The following EML6 variants were observed in gnomAD, a reference collection of about 807,000 sequenced individuals.
EML6 encodes echinoderm microtubule-associated protein-like 6.
EML6 carries 154 observed loss-of-function variants against 240.1 expected under a neutral mutation model. The observed-to-expected ratio is 0.64, with a 90% CI of 0.56 to 0.73. The LOEUF (loss-of-function observed/expected upper bound fraction) is 0.73. EML6 is among the 30% of genes least tolerant of loss of function. The pLI, the probability that EML6 is intolerant of heterozygous loss-of-function variation, is 0.00. For synonymous variants in EML6, 1,148 were observed against 899.0 expected (o/e 1.28, Z -4.95); for missense variants, 2,964 against 2,474.6 (o/e 1.20, Z -4.20).
At chr2:54,867,878 T>G (rs1671052226) in intron 14 of EML6, 1 of 152,206 alleles carries the variant, frequency 6.6e-6, no homozygotes, top group Non-Finnish European at 1.5e-5. Flanking sequence ...ATAATCTTTT[T>G]ATGCTTGAGA....
intron 2 of EML6, among the ~76,000 whole-genome samples, chr2:54,790,643 G>T (rs1278715832): frequency 6.6e-6 from 1 of 151,602 alleles, no homozygotes. Flanking sequence ...TTATCACCAG[G>T]CTTTCCCACA....
intron 7 of EML6, among the ~76,000 whole-genome samples, chr2:54,838,214 C>G (rs1669254909): frequency 6.6e-6 from 1 of 152,164 alleles, no homozygotes. Context: ...CGGATGTGAC[C>G]ACACATACAG....
chr2:54,851,956 C>T (rs1204945572), intron 10 of EML6, among the ~76,000 whole-genome samples: 1 of 152,058 alleles, frequency 6.6e-6, no homozygotes, highest in Non-Finnish European at 1.5e-5. Context: ...AAAACTGGTT[C>T]CTGCCAGAAT....
intron 2 of EML6, among the ~76,000 whole-genome samples, chr2:54,747,685 G>C (rs13390196): frequency 0.31 from 46,591 of 151,952 alleles, 9,353 homozygotes; most frequent in African/African-American, 0.58. Context: ...AAACTTATTT[G>C]AGGCTCTTTG....
chr2:54,739,666 T>C (rs890051942), intron 2 of EML6, among the ~76,000 whole-genome samples: 35 of 152,174 alleles, frequency 2.3e-4, no homozygotes, highest in Admixed American at 2.2e-3. Flanking sequence ...CAGCCAGATA[T>C]GGTTAGTTAC....
chr2:54,812,573 T>C (rs1667902877), intron 2 of EML6, among the ~76,000 whole-genome samples: 1 of 152,110 alleles, frequency 6.6e-6, no homozygotes, highest in South Asian at 2.1e-4. Flanking sequence ...GGCTACTGAC[T>C]CCTTAAAATA....
In EML6 at chr2:54,950,789, G is replaced by A; in HGVS notation, c.4213+10G>A. 3.2e-6 allele frequency: 5 copies of A among 1,543,612 alleles called. No homozygotes were observed. Among genetic ancestry groups the A allele is most frequent in the Non-Finnish European group, 4.4e-6 (5 of 1,144,134 alleles). On this transcript the variant is annotated intron_variant, in intron 30 of 41. Transcript: ENST00000356458. The stretch of plus-strand genomic sequence containing the variant: ...CAGAACCTCTCCACAGGTAACCGGG[G>A]GTTAAAAAATACAGGTTTTTCTTTT...
chr2:54,745,871 A>G (rs66624040), intron 2 of EML6, among the ~76,000 whole-genome samples: 2,511 of 152,336 alleles, frequency 0.016, 38 homozygotes, highest in Non-Finnish European at 0.028. Flanking sequence ...GGGCCTGAGC[A>G]GGAGCAGAGT....
intron 17 of EML6, among the ~76,000 whole-genome samples, chr2:54,883,043 T>C: frequency 6.9e-6 from 1 of 145,022 alleles, no homozygotes; most frequent in East Asian, 2.1e-4. Context: ...CTTTTCTTTT[T>C]CACTTTGTTT....
At chr2:54,732,394 C>G (rs939447740) in intron 2 of EML6, among the ~76,000 whole-genome samples, 1 of 152,002 alleles carries the variant, frequency 6.6e-6, no homozygotes, top group Admixed American at 6.6e-5. Context: ...AGATTTACTC[C>G]TATGTTTTCT....
intron 17 of EML6, among the ~76,000 whole-genome samples, chr2:54,887,389 C>T (rs1045140219): frequency 6.6e-5 from 10 of 152,216 alleles, no homozygotes; most frequent in African/African-American, 2.4e-4. Flanking sequence ...ATATAATTCT[C>T]ACAGAAAGTG....
chr2:54,884,043 A>G (rs1027069451), intron 17 of EML6, among the ~76,000 whole-genome samples: 9 of 152,064 alleles, frequency 5.9e-5, no homozygotes, highest in Non-Finnish European at 4.4e-5. Context: ...CAAGCAAACA[A>G]TTCTGTTTGC....
At chr2:54,817,100 A>G (rs1668114939) in intron 4 of EML6, among the ~76,000 whole-genome samples, 1 of 152,200 alleles carries the variant, frequency 6.6e-6, no homozygotes, top group Admixed American at 6.5e-5. Context: ...AGTGCTTTTC[A>G]TAGGCAAAGC....
At chr2:54,780,648 G>A (rs1237645017) in intron 2 of EML6, among the ~76,000 whole-genome samples, 1 of 152,138 alleles carries the variant, frequency 6.6e-6, no homozygotes, top group African/African-American at 2.4e-5. Context: ...TAATAATTTT[G>A]ATTCCTTAGG....
chr2:54,792,060 C>G (rs1042994481), intron 2 of EML6, among the ~76,000 whole-genome samples: 1 of 152,180 alleles, frequency 6.6e-6, no homozygotes, highest in African/African-American at 2.4e-5. Context: ...CCAAAGTCAT[C>G]TGGTTTTCTT....
At chr2:54,938,138 G>C (rs1029294157) in intron 28 of EML6, among the ~76,000 whole-genome samples, 1 of 152,152 alleles carries the variant, frequency 6.6e-6, no homozygotes, top group African/African-American at 2.4e-5. Flanking sequence ...CTGAGGTCAG[G>C]AGTTCGAGAC....
At position 54,840,760 on chromosome 2, in the gene EML6, T is replaced by C. The variant is rs114639362; in HGVS notation, c.848-3287T>C. On this transcript the variant is annotated intron_variant, in intron 7 of 41. Transcript: ENST00000356458. Reference sequence around the variant, plus strand: ...GTCACTGTGCCAGGTATTGAGGATATAGCAGTAAATAAAACTGATAAAACT... The same window carrying C: ...GTCACTGTGCCAGGTATTGAGGATACAGCAGTAAATAAAACTGATAAAACT... 4.2e-3 allele frequency among the ~76,000 whole-genome samples: 647 copies of C among 152,342 alleles called. 4 individuals carry two copies. Among genetic ancestry groups the C allele is most frequent in the African/African-American group, 0.015 (626 of 41,576 alleles).
At chr2:54,929,629 C>A (rs1390732340) in intron 28 of EML6, among the ~76,000 whole-genome samples, 2 of 152,118 alleles carry the variant, frequency 1.3e-5, no homozygotes, top group Admixed American at 6.5e-5. Flanking sequence ...TTCTGCCTAA[C>A]AACAATAAGT....
At chr2:54,916,965 G>A in intron 26 of EML6, 30 bp downstream of exon 26, 1 of 1,485,084 alleles carries the variant, frequency 6.7e-7, no homozygotes, top group Non-Finnish European at 9.2e-7. Flanking sequence ...ATCTTTACTT[G>A]CTCAGTCTCC....
Sources: allele counts gnomAD v4.1 joint callset (sites outside exome capture counted in the v4.1 genomes callset), GRCh38; gene constraint gnomAD v4.1.1; transcripts MANE v1.5; gene names NCBI Gene and HGNC (gene_info 2026-07-23, HGNC 2026-07-21).